DPY19L2: variants seen among roughly 807,000 people sequenced by gnomAD.
DPY19L2 encodes probable C-mannosyltransferase DPY19L2.
DPY19L2 carries 34 observed loss-of-function variants against 97.9 expected under a neutral mutation model. The observed-to-expected ratio is 0.35, with a 90% CI of 0.26 to 0.46. The LOEUF (loss-of-function observed/expected upper bound fraction) is 0.46. DPY19L2 is among the 20% of genes least tolerant of loss of function. The pLI, the probability that DPY19L2 is intolerant of heterozygous loss-of-function variation, is 1.00. For synonymous variants in DPY19L2, 230 were observed against 307.9 expected (o/e 0.75, Z 2.65); for missense variants, 623 against 911.4 (o/e 0.68, Z 4.07).
At chr12:63,649,036 C>T (rs1048927007) in intron 4 of DPY19L2, among the ~76,000 whole-genome samples, 19 of 151,948 alleles carry the variant, frequency 1.3e-4, no homozygotes, top group Non-Finnish European at 4.4e-5. Context: ...CTCTCAAAAC[C>T]ACATAATTAC....
chr12:63,560,327 G>A lies in DPY19L2; in HGVS notation c.*185C>T. 1.6e-6 allele frequency: 1 copy of A among 606,994 alleles called. No homozygotes were observed. The allele number at this position is 606,994 out of a possible 1,614,324, so 37.6% of individuals were successfully genotyped here. ...ATAACTTATATGACAAGCTTAATAA[G>A]GCTGACATTCAATGAACAGAAAAGT... is the stretch of plus-strand genomic sequence containing the variant. On this transcript the variant is annotated 3_prime_UTR_variant, in exon 22 of 22. Coordinates refer to ENST00000324472, the MANE Select transcript of DPY19L2 (RefSeq NM_173812.5).
intron 16 of DPY19L2, among the ~76,000 whole-genome samples, chr12:63,588,261 G>T (rs1302961630): frequency 1.3e-5 from 2 of 152,130 alleles, no homozygotes; most frequent in Non-Finnish European, 2.9e-5. Context: ...GTGACTTTCG[G>T]TTGAAGCCAA....
chr12:63,583,854 T>C lies in DPY19L2; in HGVS notation c.1581-18A>G, dbSNP rs774171380. 30 of 1,604,168 alleles carry C rather than the reference T, an allele frequency of 1.9e-5. No individual in the cohort carries two copies. In the Admixed American group the frequency reaches 4.9e-4, roughly 26 times the overall value. On this transcript the variant is annotated intron_variant, in intron 16 of 21. Transcript: ENST00000324472. ...GCTGTTTTCTAGAATAAAACAAAAA[T>C]ATTACCTATTTACTGAAGGTCTTTT...
chr12:63,561,434 T>C (rs1207680824), intron 21 of DPY19L2, among the ~76,000 whole-genome samples: 2 of 152,184 alleles, frequency 1.3e-5, no homozygotes, highest in Non-Finnish European at 1.5e-5. Context: ...ATCTACCATC[T>C]TCCCCAAACA....
chr12:63,572,802 T>C (rs1028720586), intron 19 of DPY19L2, among the ~76,000 whole-genome samples: 2 of 152,024 alleles, frequency 1.3e-5, no homozygotes, highest in Admixed American at 1.3e-4. Flanking sequence ...CTGCTAATCC[T>C]GAGAATTCTG....
Position 63,560,672 on chromosome 12 carries a change from G to T in DPY19L2, c.2127-10C>A. 6.2e-7 allele frequency: 1 copy of T among 1,613,422 alleles called. No homozygotes were observed. The stretch of plus-strand genomic sequence containing the variant: ...CATACTGCAACCAGGCCTGAAAAAA[G>T]ACAGACATATATATCCATATTAGAA... On this transcript the variant is annotated splice_polypyrimidine_tract_variant and intron_variant, in intron 21 of 21. Coordinates refer to ENST00000324472, the MANE Select transcript of DPY19L2 (RefSeq NM_173812.5).
chr12:63,606,099 T>C (rs1329620456), intron 12 of DPY19L2, among the ~76,000 whole-genome samples: 3 of 152,262 alleles, frequency 2.0e-5, no homozygotes, highest in East Asian at 1.9e-4. Context: ...TGCCAAAGAA[T>C]AGAAATCCAA....
At chr12:63,657,200 CT>C (rs1895081824) in intron 4 of DPY19L2, among the ~76,000 whole-genome samples, 1 of 152,090 alleles carries the variant, frequency 6.6e-6, no homozygotes, top group Non-Finnish European at 1.5e-5. Flanking sequence ...TTGTGTTAAT[CT>C]AGTTAGGGTG....
At chr12:63,603,548 T>C (rs1885535606) in intron 12 of DPY19L2, among the ~76,000 whole-genome samples, 1 of 152,042 alleles carries the variant, frequency 6.6e-6, no homozygotes, top group Admixed American at 6.6e-5. Flanking sequence ...CAAGCCCCAG[T>C]GTGTGTTGTT....
chr12:63,642,512 C>T (rs1173349554), intron 6 of DPY19L2, among the ~76,000 whole-genome samples: 1 of 152,048 alleles, frequency 6.6e-6, no homozygotes, highest in African/African-American at 2.4e-5. Context: ...CCAGTATCTC[C>T]TTGCTCCATA....
intron 16 of DPY19L2, among the ~76,000 whole-genome samples, chr12:63,589,956 T>C (rs1427958079): frequency 6.6e-6 from 1 of 152,092 alleles, no homozygotes; most frequent in Non-Finnish European, 1.5e-5. Flanking sequence ...TGGCAAACCC[T>C]GTCTCTACTA....
Position 63,608,514 on chromosome 12 carries a change from T to C in DPY19L2, c.1278+102A>G, listed in dbSNP as rs768790322. Reference sequence around the variant, plus strand: ...TATTTTTAAGACAGTAGCTATTTATTAACTATAAATCATTAGCATTTTAAA... The same window carrying C: ...TATTTTTAAGACAGTAGCTATTTATCAACTATAAATCATTAGCATTTTAAA... On this transcript the variant is annotated intron_variant, in intron 12 of 21. Coordinates refer to ENST00000324472, the MANE Select transcript of DPY19L2 (RefSeq NM_173812.5). 67 of 1,113,592 alleles carry C rather than the reference T, an allele frequency of 6.0e-5. No individual in the cohort carries two copies. The African/African-American group carries it at 6.2e-4, about 10-fold the overall frequency. The allele number at this position is 1,113,592 out of a possible 1,614,324, so 69.0% of individuals were successfully genotyped here.
intron 11 of DPY19L2, 64 bp downstream of exon 11, chr12:63,617,240 T>C (rs1887992501): frequency 5.8e-6 from 6 of 1,030,870 alleles, no homozygotes; most frequent in South Asian, 1.4e-5. Flanking sequence ...TATACCTGTT[T>C]TAGACAGGAA....
At chr12:63,591,086 T>A (rs555148725) in intron 16 of DPY19L2, 1 of 455,922 alleles carries the variant, frequency 2.2e-6, no homozygotes, top group East Asian at 6.9e-5. Flanking sequence ...CCATTCATTC[T>A]TTTTTAGAAT....
At chr12:63,629,258 G>A (rs1383819174) in intron 6 of DPY19L2, among the ~76,000 whole-genome samples, 2 of 151,804 alleles carry the variant, frequency 1.3e-5, no homozygotes, top group Admixed American at 6.6e-5. Flanking sequence ...TCAGATGATC[G>A]AACTACTCTG....
intron 19 of DPY19L2, among the ~76,000 whole-genome samples, chr12:63,574,961 C>A (rs1314035734): frequency 6.6e-6 from 1 of 151,864 alleles, no homozygotes; most frequent in Non-Finnish European, 1.5e-5. Flanking sequence ...TCAAAAGGAC[C>A]TAATAGATAC....
At chr12:63,590,263 C>T (rs1459609671) in intron 16 of DPY19L2, among the ~76,000 whole-genome samples, 2 of 152,068 alleles carry the variant, frequency 1.3e-5, no homozygotes, top group Non-Finnish European at 2.9e-5. Context: ...TTGTTTTTAC[C>T]TATCAGAAAA....
chr12:63,621,790 T>C (rs895814436), intron 8 of DPY19L2, among the ~76,000 whole-genome samples: 2 of 152,092 alleles, frequency 1.3e-5, no homozygotes, highest in African/African-American at 4.8e-5. Context: ...TTAAAAACTA[T>C]GGGAAAAATT....
intron 14 of DPY19L2, among the ~76,000 whole-genome samples, chr12:63,597,268 C>T (rs1884415081): frequency 6.6e-6 from 1 of 151,896 alleles, no homozygotes. Context: ...AACCACCACG[C>T]CCAGCCTATA....
Sources: gnomAD v4.1 joint callset for allele counts (sites outside exome capture counted in the v4.1 genomes callset) on GRCh38, gnomAD v4.1.1 for gene constraint, MANE v1.5 for transcripts, NCBI Gene and HGNC (gene_info 2026-07-23, HGNC 2026-07-21) for gene names.